Variants in PSAT1 observed in about 807,000 individuals in gnomAD.
The protein encoded by PSAT1 is phosphoserine aminotransferase.
A neutral mutation model predicts 40.3 loss-of-function variants in PSAT1; 41 were observed. The observed-to-expected ratio is 1.02, with a 90% confidence interval of 0.79 to 1.32. The LOEUF is 1.32. PSAT1 is among the 40% of genes most tolerant of loss of function. The pLI, the probability that PSAT1 is intolerant of heterozygous loss-of-function variation, is 0.00. For synonymous variants in PSAT1, 147 were observed against 170.5 expected (o/e 0.86, Z 1.07); for missense variants, 406 against 455.8 (o/e 0.89, Z 0.99).
At chr9:78,326,728 G>A (rs1045794397) in intron 7 of PSAT1, among the ~76,000 whole-genome samples, 1 of 151,684 alleles carries the variant, frequency 6.6e-6, no homozygotes, top group Non-Finnish European at 1.5e-5. Context: ...CTTGCTCGTA[G>A]TTTTTTGGGT....
chr9:78,318,269 G>A (rs2118683592), intron 7 of PSAT1, among the ~76,000 whole-genome samples: 1 of 152,286 alleles, frequency 6.6e-6, no homozygotes, highest in Middle Eastern at 3.4e-3. Flanking sequence ...TAAGACAGAT[G>A]CTGTTATCCC....
chr9:78,320,132 A>G (rs1367393231), intron 7 of PSAT1, among the ~76,000 whole-genome samples: 1 of 149,672 alleles, frequency 6.7e-6, no homozygotes, highest in Non-Finnish European at 1.5e-5. Context: ...TCACTCATCC[A>G]TCTATCCATC....
chr9:78,302,120 A>G (rs1385241003), intron 3 of PSAT1, 97 bp downstream of exon 3: 1 of 877,106 alleles, frequency 1.1e-6, no homozygotes, highest in Non-Finnish European at 1.9e-6. Flanking sequence ...TTTGTTCAGA[A>G]TATTTCATAA....
rs1185593633 is a variant in PSAT1 at position 78,297,189 on chromosome 9, T to C, written c.-22T>C. On this transcript the variant is annotated 5_prime_UTR_variant, in exon 1 of 9. Coordinates refer to ENST00000376588, the MANE Select transcript of PSAT1 (RefSeq NM_058179.4). ...ACGCGTTCGGTCCTCCTTGGCTGAC[T>C]CACCGCCCTGGCCGCCGCACCATGG... 1 of 1,592,470 alleles carries C rather than the reference T, an allele frequency of 6.3e-7. No homozygotes were observed. Among genetic ancestry groups the C allele is most frequent in the East Asian group, 2.3e-5 (1 of 44,130 alleles).
intron 7 of PSAT1, among the ~76,000 whole-genome samples, chr9:78,326,953 A>ATTTTTTTTTTTTTT (rs1397133333): frequency 4.9e-5 from 4 of 81,514 alleles, no homozygotes; most frequent in African/African-American, 3.7e-4. Context: ...ATATATATAT[A>ATTTTTTTTTTTTTT]TATTTTTTTT....
rs1303889177 is a variant in PSAT1 at position 78,301,982 on chromosome 9, C to T, written c.150C>T (p.Ala50=). 1 of 1,611,438 alleles carries T rather than the reference C, an allele frequency of 6.2e-7. No individual in the cohort carries two copies. The highest frequency in any genetic ancestry group is 1.7e-5 in the Admixed American group (1 of 59,998). Residue 50 remains alanine, a synonymous_variant, in exon 3 of 9, where the codon GCC becomes GCT. Transcript: ENST00000376588. ...LEMSHRSSDF[A]KIINNTENLV... ...TGAGTCACAGGTCATCAGATTTTGC[C>T]AAGATTATTAACAATACAGAGAATC...
chr9:78,319,331 T>C lies in PSAT1; in HGVS notation c.869+1527T>C, dbSNP rs555656034. Among the ~76,000 whole-genome samples the C allele has an allele frequency of 7.9e-5, 12 of 152,350 alleles. No individual in the cohort carries two copies. In the South Asian group the frequency reaches 2.5e-3, roughly 32 times the overall value. The stretch of plus-strand genomic sequence containing the variant: ...GCTTGTTGCCTGTTTCTGTGAGCTC[T>C]TGACATGCAGTGGCCCTCCTCCAGC... On this transcript the variant is annotated intron_variant, in intron 7 of 8. Transcript: ENST00000376588.
intron 1 of PSAT1, among the ~76,000 whole-genome samples, chr9:78,298,118 G>A (rs144449215): frequency 0.016 from 2,464 of 152,156 alleles, 36 homozygotes; most frequent in South Asian, 0.033. Flanking sequence ...GATCTTGCTG[G>A]TGGAACTCAC....
At chr9:78,310,315 T>C (rs1162554860) in intron 6 of PSAT1, among the ~76,000 whole-genome samples, 1 of 152,184 alleles carries the variant, frequency 6.6e-6, no homozygotes, top group African/African-American at 2.4e-5. Context: ...TGACTCTAGA[T>C]CCTGGGTATG....
intron 1 of PSAT1, chr9:78,298,402 G>C (rs1203219636): frequency 6.1e-6 from 6 of 985,290 alleles, no homozygotes; most frequent in Non-Finnish European, 7.2e-6. Context: ...GTTGTGGTAA[G>C]AACAGAGAAT....
At chr9:78,326,955 A>ATATATATATATATATATATATTTTTTTTT in intron 7 of PSAT1, among the ~76,000 whole-genome samples, 1 of 75,932 alleles carries the variant, frequency 1.3e-5, no homozygotes, top group African/African-American at 9.5e-5. Flanking sequence ...ATATATATAT[A>ATATATATATATATATATATATTTTTTTTT]TTTTTTTTTT....
In PSAT1 at chr9:78,308,379, A is replaced by C. The variant is rs752231883; in HGVS notation, c.571-35A>C. The C allele has an allele frequency of 3.1e-6, 5 of 1,608,910 alleles. No homozygotes were observed. In the African/African-American group the frequency reaches 6.7e-5, roughly 22 times the overall value. Reference sequence around the variant, plus strand: ...GCATACATGTATGAAAAATGGCCAAATCCTTCTTAAGCAGCATGTCTTTCT... The same window carrying C: ...GCATACATGTATGAAAAATGGCCAACTCCTTCTTAAGCAGCATGTCTTTCT... On this transcript the variant is annotated intron_variant, in intron 5 of 8. Coordinates refer to ENST00000376588, the MANE Select transcript of PSAT1 (RefSeq NM_058179.4).
rs936131415 is a variant in PSAT1, at chr9:78,329,241, C to T, written c.*155C>T. The stretch of plus-strand genomic sequence containing the variant: ...TGAAAGAACAACAGCAAAACATCCA[C>T]AACTCTGTAAAGCTGGTGGGACCTA... On this transcript the variant is annotated 3_prime_UTR_variant, in exon 9 of 9. Coordinates refer to ENST00000376588, the MANE Select transcript of PSAT1 (RefSeq NM_058179.4). 1 of 663,050 alleles carries T rather than the reference C, an allele frequency of 1.5e-6. No homozygotes were observed. Among genetic ancestry groups the T allele is most frequent in the African/African-American group, 1.8e-5 (1 of 55,922 alleles). 41.1% of individuals were successfully genotyped at this position (663,050 alleles called of 1,614,324 possible). A position where few individuals can be genotyped will look rare whatever the true frequency, so the allele number is the denominator to read the frequency against.
At chr9:78,303,183 CT>C (rs1432396059) in intron 3 of PSAT1, among the ~76,000 whole-genome samples, 1 of 152,174 alleles carries the variant, frequency 6.6e-6, no homozygotes, top group Non-Finnish European at 1.5e-5. Flanking sequence ...TGGAATTATA[CT>C]GATTATTTCA....
chr9:78,311,868 AC>A (rs1422569052), intron 6 of PSAT1, among the ~76,000 whole-genome samples: 1 of 151,848 alleles, frequency 6.6e-6, no homozygotes, highest in African/African-American at 2.4e-5. Context: ...CAAAACAAAA[AC>A]CATGCAAGGT....
At chr9:78,323,061 G>T (rs112128348) in intron 7 of PSAT1, among the ~76,000 whole-genome samples, 1,849 of 152,300 alleles carry the variant, frequency 0.012, 16 homozygotes, top group Middle Eastern at 0.02. Context: ...TTAGGGACCA[G>T]CAAGTCCAAT....
intron 5 of PSAT1, among the ~76,000 whole-genome samples, chr9:78,307,477 C>T (rs954564661): frequency 1.1e-4 from 16 of 152,244 alleles, no homozygotes; most frequent in Non-Finnish European, 1.3e-4. Context: ...TTTTTATTAT[C>T]ACCAGGCACT....
intron 7 of PSAT1, among the ~76,000 whole-genome samples, chr9:78,320,657 A>ACCCACCCC (rs1828416644): frequency 1.5e-5 from 1 of 68,840 alleles, no homozygotes; most frequent in African/African-American, 6.1e-5. Flanking sequence ...CCACCCACCC[A>ACCCACCCC]TCCATCTATC....
chr9:78,302,961 T>A (rs1828129873), intron 3 of PSAT1, among the ~76,000 whole-genome samples: 1 of 152,154 alleles, frequency 6.6e-6, no homozygotes, highest in Non-Finnish European at 1.5e-5. Flanking sequence ...AGGAGAGATT[T>A]TTATATATTA....
Sources: allele counts gnomAD v4.1 joint callset (sites outside exome capture counted in the v4.1 genomes callset), GRCh38; gene constraint gnomAD v4.1.1; transcripts MANE v1.5; gene names NCBI Gene and HGNC (gene_info 2026-07-23, HGNC 2026-07-21).